TCF19: variants seen among roughly 807,000 people sequenced by gnomAD.
The protein encoded by TCF19 is transcription factor SC1.
In TCF19, 9 loss-of-function variants were observed where a neutral mutation model predicts 18.3. That is an observed-to-expected ratio of 0.49 (90% CI 0.30 to 0.86). The LOEUF (loss-of-function observed/expected upper bound fraction) is 0.86, where lower values mean the gene tolerates loss of function less well. TCF19 is among the 40% of genes least tolerant of loss of function. The probability of loss-of-function intolerance (pLI) is 0.07; values close to 1 mark genes in which losing one functional copy is unlikely to be tolerated. For missense variants in TCF19, 376 were observed against 464.3 expected (o/e 0.81, Z 1.75); for synonymous variants, 176 against 185.3 (o/e 0.95, Z 0.41).
chr6:31,159,603 G>A lies in TCF19; in HGVS notation c.134G>A (p.Arg45Gln). 6.2e-7 allele frequency: 1 copy of A among 1,613,436 alleles called. No individual in the cohort carries two copies. Among genetic ancestry groups the A allele is most frequent in the Non-Finnish European group, 8.5e-7 (1 of 1,180,020 alleles). ...GCCGACCTGTGTGATGTGGCCCTGC[G>A]GCCCCAGCAGGAGCCTGGCCTCATC... ...HRADLCDVAL[R>Q]PQQEPGLISG... Residue 45 changes from arginine to glutamine, a missense_variant, in exon 2 of 4, where the codon CGG becomes CAG. Transcript: ENST00000376257.
Position 31,163,066 on chromosome 6 carries a change from G to A in TCF19, c.*349G>A, listed in dbSNP as rs143248019. On this transcript the variant is annotated 3_prime_UTR_variant, in exon 4 of 4. Transcript: ENST00000376257. ...TGCCTGCAACCGATGGAAAATGTAA[G>A]AGGGAGTTCTTAAGGTTCTTGGTGG... 1.8e-6 allele frequency: 2 copies of A among 1,138,932 alleles called. No homozygotes were observed. Among genetic ancestry groups the A allele is most frequent in the Admixed American group, 4.4e-5 (1 of 22,834 alleles). 70.6% of individuals were successfully genotyped at this position (1,138,932 alleles called of 1,614,324 possible).
chr6:31,163,355 A>C lies in TCF19; in HGVS notation c.*638A>C. 1.0e-6 allele frequency: 1 copy of C among 985,908 alleles called. No individual in the cohort carries two copies. The highest frequency in any genetic ancestry group is 1.2e-6 in the Non-Finnish European group (1 of 830,292). The allele number at this position is 985,908 out of a possible 1,614,324, so 61.1% of individuals were successfully genotyped here. A position where few individuals can be genotyped will look rare whatever the true frequency, so the allele number is the denominator to read the frequency against. On this transcript the variant is annotated 3_prime_UTR_variant, in exon 4 of 4. Coordinates refer to ENST00000376257, the MANE Select transcript of TCF19 (RefSeq NM_007109.3). ...ATCTTAGGGGAAGGGGAGAGATGGAAATACAAACCTGCTTACTGGAAAGGT... is the reference window on the plus strand; with the variant it reads ...ATCTTAGGGGAAGGGGAGAGATGGACATACAAACCTGCTTACTGGAAAGGT...
Position 31,161,509 on chromosome 6 carries a change from CT to C in TCF19, c.302del (p.Leu101ProfsTer2). The C allele has an allele frequency of 6.5e-6, 10 of 1,536,322 alleles. No individual in the cohort carries two copies. Among genetic ancestry groups the C allele is most frequent in the Non-Finnish European group, 8.7e-6 (10 of 1,147,290 alleles). The stretch of plus-strand genomic sequence containing the variant: ...CAGGCTGGAATTGAGTGATGGAGAC[CT>C]CCTGACCTTTGGCCCTGAAGGGCCC... ...GHRLELSDGDLLTFGPEGPPG... is the reference protein window; with the variant it reads ...GHRLELSDGDXLTFGPEGPPG... On this transcript the variant is annotated frameshift_variant, in exon 3 of 4. Coordinates refer to ENST00000376257, the MANE Select transcript of TCF19 (RefSeq NM_007109.3). LOFTEE classifies it high-confidence loss of function.
At chr6:31,160,269 T>G (rs1582008718) in intron 2 of TCF19, among the ~76,000 whole-genome samples, 1 of 152,278 alleles carries the variant, frequency 6.6e-6, no homozygotes, top group East Asian at 1.9e-4. Context: ...GGTACTAATA[T>G]TATCCTCATT....
intron 2 of TCF19, among the ~76,000 whole-genome samples, chr6:31,159,927 G>A (rs986645097): frequency 6.6e-6 from 1 of 152,178 alleles, no homozygotes; most frequent in African/African-American, 2.4e-5. Context: ...ACAGGACCTG[G>A]GATATCATCA....
intron 2 of TCF19, among the ~76,000 whole-genome samples, chr6:31,161,111 A>G (rs1397707435): frequency 1.3e-5 from 2 of 149,048 alleles, no homozygotes; most frequent in African/African-American, 4.9e-5. Context: ...CTGAGATTGC[A>G]CTACTGCACT....
chr6:31,161,375 A>C, intron 2 of TCF19, 72 bp from the exon 3 acceptor site: 3 of 1,217,046 alleles, frequency 2.5e-6, no homozygotes, highest in Non-Finnish European at 3.3e-6. Context: ...AATCATACAG[A>C]TTTCTCCACT....
In TCF19 at chr6:31,163,282, G is replaced by C; in HGVS notation, c.*565G>C. 1 of 986,610 alleles carries C rather than the reference G, an allele frequency of 1.0e-6. No individual in the cohort carries two copies. The allele number at this position is 986,610 out of a possible 1,614,324, so 61.1% of individuals were successfully genotyped here. On this transcript the variant is annotated 3_prime_UTR_variant, in exon 4 of 4. Transcript: ENST00000376257. Reference sequence around the variant, plus strand: ...TTCTTGTGGGTCTGTGATATTCCTTGCTTTCCAGGGAGAATGTGCTTGGCA... The same window carrying C: ...TTCTTGTGGGTCTGTGATATTCCTTCCTTTCCAGGGAGAATGTGCTTGGCA...
chr6:31,164,060 A>T lies in TCF19; in HGVS notation c.*1343A>T, dbSNP rs17190811. 70,476 of 1,009,916 alleles carry T rather than the reference A, an allele frequency of 0.07. 2,703 individuals carry two copies. Among genetic ancestry groups the T allele is most frequent in the Middle Eastern group, 0.12 (253 of 2,028 alleles). 62.6% of individuals were successfully genotyped at this position (1,009,916 alleles called of 1,614,324 possible). A position where few individuals can be genotyped will look rare whatever the true frequency, so the allele number is the denominator to read the frequency against. ...ATGATTTCTAAGTATAAAGCCATTT[A>T]AGAATTCCAGAGTAGGGTGGGAAAG... On this transcript the variant is annotated 3_prime_UTR_variant, in exon 4 of 4. Transcript: ENST00000376257.
Position 31,163,899 on chromosome 6 carries a change from T to G in TCF19, c.*1182T>G. On this transcript the variant is annotated 3_prime_UTR_variant, in exon 4 of 4. Transcript: ENST00000376257. ...TAGTGGCAGAGCCAGGAATAAAACT[T>G]GAGTAACTAATGAGTCACTTATGGG... 1 of 985,484 alleles carries G rather than the reference T, an allele frequency of 1.0e-6. No homozygotes were observed. The allele number at this position is 985,484 out of a possible 1,614,324, so 61.0% of individuals were successfully genotyped here.
Position 31,164,149 on chromosome 6 carries a change from G to C in TCF19, c.*1432G>C. On this transcript the variant is annotated 3_prime_UTR_variant, in exon 4 of 4. Transcript: ENST00000376257. The stretch of plus-strand genomic sequence containing the variant: ...ACTGAGTCTATGGGCAAAAGTTCTT[G>C]CATCACAGGCTTTTGGGAACTAGCC... 9.2e-7 allele frequency: 1 copy of C among 1,087,800 alleles called. No homozygotes were observed. The highest frequency in any genetic ancestry group is 4.7e-5 in the Admixed American group (1 of 21,290). The allele number at this position is 1,087,800 out of a possible 1,614,324, so 67.4% of individuals were successfully genotyped here.
chr6:31,159,257 A>G lies in TCF19; in HGVS notation c.-213A>G. ...ACCTTCCTGGAATTTTTCATTTGCA[A>G]GTCGGCTTAACCAATTTTGCATTGA... On this transcript the variant is annotated 5_prime_UTR_variant, in exon 2 of 4. Transcript: ENST00000376257. 2 of 524,070 alleles carry G rather than the reference A, an allele frequency of 3.8e-6. No individual in the cohort carries two copies. The highest frequency in any genetic ancestry group is 6.8e-6 in the Non-Finnish European group (2 of 292,612). The allele number at this position is 524,070 out of a possible 1,614,324, so 32.5% of individuals were successfully genotyped here. A position where few individuals can be genotyped will look rare whatever the true frequency, so the allele number is the denominator to read the frequency against.
At position 31,161,464 on chromosome 6, in the gene TCF19, G is replaced by A. The variant is rs760610914; in HGVS notation, c.256G>A (p.Val86Ile). Reference protein sequence around the residue: ...HSSQGTLVNNVRLPRGHRLEL... With the variant: ...HSSQGTLVNNIRLPRGHRLEL... ...ATCAACAGGTACTTTGGTCAATAAT[G>A]TCCGACTCCCAAGAGGTCACAGGCT... Residue 86 changes from valine to isoleucine, a missense_variant, in exon 3 of 4, where the codon GTC (valine) becomes ATC (isoleucine). By Grantham distance (29) the Val-to-Ile change is conservative. Transcript: ENST00000376257. The A allele has an allele frequency of 2.1e-5, 30 of 1,419,986 alleles. No homozygotes were observed. Among genetic ancestry groups the A allele is most frequent in the Non-Finnish European group, 2.6e-5 (28 of 1,081,476 alleles). 88.0% of individuals were successfully genotyped at this position (1,419,986 alleles called of 1,614,324 possible).
In TCF19 at chr6:31,163,158, CCTG is replaced by C; in HGVS notation, c.*446_*448del. On this transcript the variant is annotated 3_prime_UTR_variant, in exon 4 of 4. Coordinates refer to ENST00000376257, the MANE Select transcript of TCF19 (RefSeq NM_007109.3). ...AAAACTTCCCTACTCTGTGGCTAGT[CCTG>C]CTGCCAACAAAATCGTAGCGACCTG... is the stretch of plus-strand genomic sequence containing the variant. 2 of 1,010,724 alleles carry C rather than the reference CCTG, an allele frequency of 2.0e-6. No individual in the cohort carries two copies. The highest frequency in any genetic ancestry group is 2.4e-6 in the Non-Finnish European group (2 of 845,774). 62.6% of individuals were successfully genotyped at this position (1,010,724 alleles called of 1,614,324 possible). A position where few individuals can be genotyped will look rare whatever the true frequency, so the allele number is the denominator to read the frequency against.
Position 31,164,109 on chromosome 6 carries a change from A to AACAGCTACATGGTGACTGAGTCT in TCF19, c.*1394_*1416dup. The AACAGCTACATGGTGACTGAGTCT allele has an allele frequency of 4.8e-6, 5 of 1,047,200 alleles. No individual in the cohort carries two copies. The highest frequency in any genetic ancestry group is 5.8e-6 in the Non-Finnish European group (5 of 866,464). The allele number at this position is 1,047,200 out of a possible 1,614,324, so 64.9% of individuals were successfully genotyped here. ...AGCAAAAAGCCAGCTCTGAACAGGT[A>AACAGCTACATGGTGACTGAGTCT]ACAGCTACATGGTGACTGAGTCTAT... On this transcript the variant is annotated 3_prime_UTR_variant, in exon 4 of 4. Coordinates refer to ENST00000376257, the MANE Select transcript of TCF19 (RefSeq NM_007109.3).
chr6:31,158,656 T>C lies in TCF19; in HGVS notation c.-640T>C, dbSNP rs1776483982. On this transcript the variant is annotated 5_prime_UTR_variant, in exon 1 of 4. Coordinates refer to ENST00000376257, the MANE Select transcript of TCF19 (RefSeq NM_007109.3). ...GGCTCCTGCCGAGGAGCCCAAGGGGTCCCGGGATCCGCCGCACAGGCTGGC... is the reference window on the plus strand; with the variant it reads ...GGCTCCTGCCGAGGAGCCCAAGGGGCCCCGGGATCCGCCGCACAGGCTGGC... 6.6e-6 allele frequency: 1 copy of C among 152,070 alleles called. No individual in the cohort carries two copies. Among genetic ancestry groups the C allele is most frequent in the Non-Finnish European group, 1.5e-5 (1 of 68,014 alleles). The allele number at this position is 152,070 out of a possible 1,614,324, so 9.4% of individuals were successfully genotyped here. A position where few individuals can be genotyped will look rare whatever the true frequency, so the allele number is the denominator to read the frequency against.
intron 2 of TCF19, 37 bp downstream of exon 2, chr6:31,159,744 T>C: frequency 6.2e-7 from 1 of 1,607,738 alleles, no homozygotes; most frequent in Non-Finnish European, 8.5e-7. Context: ...CCCTGGGTGG[T>C]TGAAGCGCCA....
intron 2 of TCF19, among the ~76,000 whole-genome samples, chr6:31,159,968 C>A (rs114475062): frequency 0.033 from 5,070 of 152,316 alleles, 95 homozygotes; most frequent in Middle Eastern, 0.044. Context: ...TGTTCTGAGG[C>A]CACTAGAGGC....
At position 31,162,079 on chromosome 6, in the gene TCF19, A is replaced by C; in HGVS notation, c.797+74A>C. The C allele has an allele frequency of 1.4e-6, 2 of 1,477,024 alleles. No individual in the cohort carries two copies. Among genetic ancestry groups the C allele is most frequent in the South Asian group, 1.4e-5 (1 of 73,328 alleles). 91.5% of individuals were successfully genotyped at this position (1,477,024 alleles called of 1,614,324 possible). On this transcript the variant is annotated intron_variant, in intron 3 of 3. Transcript: ENST00000376257. The surrounding 1 kb of genome is among the most constrained non-coding windows in gnomAD (Gnocchi z 4.5). ...TTCCTTGTATCCCTAGGCTGTGAGG[A>C]GGTCCCCCTGCCTGGGGGGATGGGC...
Sources: gnomAD v4.1 joint callset for allele counts (sites outside exome capture counted in the v4.1 genomes callset) on GRCh38, gnomAD v4.1.1 for gene constraint, Gnocchi (gnomAD v3.1) non-coding constraint, MANE v1.5 for transcripts, NCBI Gene and HGNC (gene_info 2026-07-23, HGNC 2026-07-21) for gene names.